MAVS: variants seen among roughly 807,000 people sequenced by gnomAD.
The protein encoded by MAVS is mitochondrial antiviral-signaling protein.
In MAVS, 20 loss-of-function variants were observed where a neutral mutation model predicts 30.2. The ratio of observed to expected loss-of-function variants is 0.66; its 90% CI spans 0.47 to 0.96. The LOEUF (loss-of-function observed/expected upper bound fraction) is 0.96, where lower values mean the gene tolerates loss of function less well. Ranked by LOEUF, MAVS falls within the 40% of genes least tolerant of loss-of-function variation. The pLI is 0.00. For synonymous variants in MAVS, 278 were observed against 293.9 expected, an observed-to-expected ratio of 0.95 and a Z score of 0.55; for missense variants, 624 against 701.1, an observed-to-expected ratio of 0.89 and a Z score of 1.24.
intron 2 of MAVS, among the ~76,000 whole-genome samples, chr20:3,855,745 T>C (rs1005583453): frequency 2.6e-5 from 4 of 152,354 alleles, no homozygotes; most frequent in African/African-American, 4.8e-5. Flanking sequence ...TCTTGTTTTA[T>C]AGTAAATATT....
In MAVS at chr20:3,864,570, G is replaced by GC. The variant is rs745412902; in HGVS notation, c.942dup (p.Asn315GlnfsTer15). On this transcript the variant is annotated frameshift_variant, in exon 6 of 7. Coordinates refer to ENST00000428216, the MANE Select transcript of MAVS (RefSeq NM_020746.5). LOFTEE classifies it high-confidence loss of function. The stretch of plus-strand genomic sequence containing the variant: ...GAACACAGTGGCCCTGAAAGTGCCT[G>GC]CCAACCCAGCATCTGTCAGCACAGT... The GC allele has an allele frequency of 6.2e-7, 1 of 1,614,114 alleles. No individual in the cohort carries two copies. The highest frequency in any genetic ancestry group is 1.3e-5 in the African/African-American group (1 of 75,052).
chr20:3,859,232 G>A lies in MAVS; in HGVS notation c.292+1423G>A, dbSNP rs187302751. The stretch of plus-strand genomic sequence containing the variant: ...GAGATTAATAGTGATCCCTGGCTGG[G>A]CACGGTGGCTCACGCCTGTAATCCC... On this transcript the variant is annotated intron_variant, in intron 3 of 6. Transcript: ENST00000428216. Among the ~76,000 whole-genome samples the A allele has an allele frequency of 2.0e-5, 3 of 151,760 alleles. No homozygotes were observed. In the East Asian group the frequency reaches 5.8e-4, roughly 29 times the overall value.
rs1196592544 is a variant in MAVS, at chr20:3,869,457, G to A, written c.*3310G>A. On this transcript the variant is annotated 3_prime_UTR_variant, in exon 7 of 7. Transcript: ENST00000428216. The stretch of plus-strand genomic sequence containing the variant: ...CAAAGTGCTGGGATTACAGGCGTGA[G>A]CCACCGCGCCCAGCCAAATTAAATT... 1 of 152,166 alleles carries A rather than the reference G, an allele frequency of 6.6e-6. No individual in the cohort carries two copies. The highest frequency in any genetic ancestry group is 1.5e-5 in the Non-Finnish European group (1 of 68,090). 9.4% of individuals were successfully genotyped at this position (152,166 alleles called of 1,614,324 possible). A position where few individuals can be genotyped will look rare whatever the true frequency, so the allele number is the denominator to read the frequency against.
chr20:3,864,030 G>A (rs974635792), intron 5 of MAVS, among the ~76,000 whole-genome samples: 2 of 152,156 alleles, frequency 1.3e-5, no homozygotes, highest in African/African-American at 4.8e-5. Context: ...ATTTCACTGT[G>A]TGCCAGGACA....
chr20:3,855,592 G>A (rs1254025068), intron 2 of MAVS, among the ~76,000 whole-genome samples: 1 of 152,134 alleles, frequency 6.6e-6, no homozygotes, highest in African/African-American at 2.4e-5. Flanking sequence ...GAGGGTACCT[G>A]TTGGCTCTTT....
In MAVS at chr20:3,871,933, G is replaced by A. The variant is rs1176458463; in HGVS notation, c.*5786G>A. ...CTGTCTGCCAGGCATTAAGCTAAGT[G>A]CTTTACATATATTAAGTCATTTAAT... On this transcript the variant is annotated 3_prime_UTR_variant, in exon 7 of 7. Transcript: ENST00000428216. The A allele has an allele frequency of 2.6e-5, 4 of 152,406 alleles. No individual in the cohort carries two copies. The highest frequency in any genetic ancestry group is 1.3e-4 in the Admixed American group (2 of 15,278). 9.4% of individuals were successfully genotyped at this position (152,406 alleles called of 1,614,324 possible).
At chr20:3,860,373 A>AT (rs36084316) in intron 3 of MAVS, among the ~76,000 whole-genome samples, 41,497 of 125,028 alleles carry the variant, frequency 0.33, 8,124 homozygotes, top group African/African-American at 0.55. Flanking sequence ...GATTCCTTCT[A>AT]TTTTTTTTTT....
At chr20:3,851,201 A>G (rs4815619) in intron 1 of MAVS, among the ~76,000 whole-genome samples, 63,202 of 151,166 alleles carry the variant, frequency 0.42, 13,480 homozygotes, top group East Asian at 0.67. Context: ...GGTGGCGTGT[A>G]CCCGTAATCC....
chr20:3,862,239 T>C lies in MAVS; in HGVS notation c.466-15T>C. On this transcript the variant is annotated splice_polypyrimidine_tract_variant and intron_variant, in intron 4 of 6. Coordinates refer to ENST00000428216, the MANE Select transcript of MAVS (RefSeq NM_020746.5). Reference sequence around the variant, plus strand: ...GGAGAGGCAACTGCCTTATTCATATTTTCCCTCATTGCAGAATTCAGAGCA... The same window carrying C: ...GGAGAGGCAACTGCCTTATTCATATCTTCCCTCATTGCAGAATTCAGAGCA... 3 of 1,611,240 alleles carry C rather than the reference T, an allele frequency of 1.9e-6. No homozygotes were observed. The highest frequency in any genetic ancestry group is 2.5e-6 in the Non-Finnish European group (3 of 1,178,898).
chr20:3,852,152 G>GC (rs1298844147), intron 1 of MAVS, among the ~76,000 whole-genome samples: 2 of 151,842 alleles, frequency 1.3e-5, no homozygotes, highest in Non-Finnish European at 2.9e-5. Flanking sequence ...CCGCCAGTAC[G>GC]CCGGGCTAAT....
intron 3 of MAVS, among the ~76,000 whole-genome samples, chr20:3,860,908 C>A (rs1429654017): frequency 6.6e-6 from 1 of 152,120 alleles, no homozygotes; most frequent in East Asian, 1.9e-4. Context: ...AACTCCTGAC[C>A]TCCTAATCCA....
At position 3,864,524 on chromosome 20, in the gene MAVS, G is replaced by A. The variant is rs775397106; in HGVS notation, c.894G>A (p.Val298=). The change falls in exon 6 of 7, where the codon GTG becomes GTA. Residue 298 remains valine, a synonymous_variant. Transcript: ENST00000428216. ...EAPANSLPSK[V]PTTLMPVNTV... is the part of the protein sequence containing the mutation. ...CTGCCAACTCTCTGCCCTCCAAAGT[G>A]CCTACCACCTTGATGCCTGTGAACA... The A allele has an allele frequency of 1.9e-6, 3 of 1,613,964 alleles. No homozygotes were observed. The African/African-American group carries it at 4.0e-5, about 22-fold the overall frequency.
At chr20:3,857,527 G>C in intron 2 of MAVS, 108 bp from the exon 3 acceptor site, 1 of 1,351,508 alleles carries the variant, frequency 7.4e-7, no homozygotes, top group Non-Finnish European at 1.0e-6. Flanking sequence ...TGGCTGCCTT[G>C]CCCTTGTGGC....
chr20:3,872,805 CTTTT>C lies in MAVS; in HGVS notation c.*6659_*6662del. The C allele has an allele frequency of 6.6e-6, 1 of 152,482 alleles. No homozygotes were observed. Among genetic ancestry groups the C allele is most frequent in the East Asian group, 1.9e-4 (1 of 5,316 alleles). The allele number at this position is 152,482 out of a possible 1,614,324, so 9.4% of individuals were successfully genotyped here. ...CAGACAAATAGGCTTTCACATCATT[CTTTT>C]ATGTAATCATACAACAGATATTTGC... On this transcript the variant is annotated 3_prime_UTR_variant, in exon 7 of 7. Transcript: ENST00000428216.
At chr20:3,853,575 C>T (rs1008497307) in intron 1 of MAVS, among the ~76,000 whole-genome samples, 3 of 151,940 alleles carry the variant, frequency 2.0e-5, no homozygotes, top group Admixed American at 1.3e-4. Context: ...AGGGGGATCG[C>T]TTGAGGCCAG....
At chr20:3,862,052 CTG>C (rs1478428884) in intron 4 of MAVS, among the ~76,000 whole-genome samples, 200 bp from the exon 5 acceptor site, 5 of 152,102 alleles carry the variant, frequency 3.3e-5, no homozygotes, top group African/African-American at 7.2e-5. Context: ...CCTGGCAATG[CTG>C]TGTGTTTTCT....
chr20:3,849,920 C>T (rs1393525639), intron 1 of MAVS, among the ~76,000 whole-genome samples: 2 of 152,210 alleles, frequency 1.3e-5, no homozygotes, highest in East Asian at 1.9e-4. Context: ...ACATCTATAA[C>T]TGCAAATTGT....
At chr20:3,863,007 G>A (rs1012462904) in intron 5 of MAVS, among the ~76,000 whole-genome samples, 6 of 152,180 alleles carry the variant, frequency 3.9e-5, no homozygotes, top group African/African-American at 4.8e-5. Context: ...GGAGATGAGC[G>A]AGATAAGTAG....
rs1482314095 is a variant in MAVS at position 3,875,766 on chromosome 20, C to G, written c.*9619C>G. 6.6e-6 allele frequency: 1 copy of G among 152,438 alleles called. No homozygotes were observed. Among genetic ancestry groups the G allele is most frequent in the Admixed American group, 6.6e-5 (1 of 15,262 alleles). 9.4% of individuals were successfully genotyped at this position (152,438 alleles called of 1,614,324 possible). A position where few individuals can be genotyped will look rare whatever the true frequency, so the allele number is the denominator to read the frequency against. ...CCTCTGCCCTTGGGTGTCCTTGGCACAAGGCAGGCTAGGCTGCACCAGCTT... is the reference window on the plus strand; with the variant it reads ...CCTCTGCCCTTGGGTGTCCTTGGCAGAAGGCAGGCTAGGCTGCACCAGCTT... On this transcript the variant is annotated 3_prime_UTR_variant, in exon 7 of 7. Transcript: ENST00000428216.
Sources: allele counts gnomAD v4.1 joint callset (sites outside exome capture counted in the v4.1 genomes callset), GRCh38; gene constraint gnomAD v4.1.1; transcripts MANE v1.5; gene names NCBI Gene and HGNC (gene_info 2026-07-23, HGNC 2026-07-21).